LINGO2: variants seen among roughly 807,000 people sequenced by gnomAD.
LINGO2 encodes the protein leucine rich repeat and Ig domain containing 2, also known as leucine-rich repeat and immunoglobulin-like domain-containing nogo receptor-interacting protein 2.
A neutral mutation model predicts 30.6 loss-of-function variants in LINGO2; 14 were observed. That is an observed-to-expected ratio of 0.46 (90% confidence interval 0.30 to 0.72). The LOEUF is 0.72. LINGO2 is among the 30% of genes least tolerant of loss of function. The pLI is 0.07. For synonymous variants in LINGO2, 317 were observed against 288.5 expected (o/e 1.10, Z -1.00); for missense variants, 729 against 751.7 (o/e 0.97, Z 0.35).
chr9:28,043,641 C>A (rs1291683339), intron 4 of LINGO2, among the ~76,000 whole-genome samples: 1 of 152,076 alleles, frequency 6.6e-6, no homozygotes, highest in African/African-American at 2.4e-5. Context: ...AAGAATTAAC[C>A]CTCATGTACC....
chr9:28,315,066 T>TGCTTTA (rs1824789846), intron 3 of LINGO2, among the ~76,000 whole-genome samples: 1 of 148,930 alleles, frequency 6.7e-6, no homozygotes, highest in Non-Finnish European at 1.5e-5. Context: ...GAGTATAGAA[T>TGCTTTA]GCTTTATTGT....
intron 4 of LINGO2, among the ~76,000 whole-genome samples, chr9:28,230,101 A>G (rs921062472): frequency 1.3e-5 from 2 of 151,918 alleles, no homozygotes; most frequent in African/African-American, 4.8e-5. Context: ...TATCAACGTC[A>G]CATTTATTGT....
the LINGO2 span, among the ~76,000 whole-genome samples, chr9:29,096,635 CA>C: frequency 7.1e-6 from 1 of 140,234 alleles, no homozygotes; most frequent in South Asian, 2.2e-4. Context: ...TGTGAACCTT[CA>C]AAAGATTGTA....
At chr9:28,524,765 CAAAT>C (rs1351390251) in intron 1 of LINGO2, among the ~76,000 whole-genome samples, 2 of 152,002 alleles carry the variant, frequency 1.3e-5, no homozygotes, top group Non-Finnish European at 1.5e-5. Flanking sequence ...AATAAATAAA[CAAAT>C]AAATAAATCA....
At chr9:28,325,303 G>T (rs1825188770) in intron 3 of LINGO2, among the ~76,000 whole-genome samples, 2 of 152,056 alleles carry the variant, frequency 1.3e-5, no homozygotes, top group Non-Finnish European at 2.9e-5. Context: ...ACTTAGAAAA[G>T]TCTTTTTTAA....
At position 27,981,534 on chromosome 9, in the gene LINGO2, C is replaced by CAAA. The variant is rs763284293; in HGVS notation, c.-36+30818_-36+30820dup. Reference sequence around the variant, plus strand: ...ATGAAAGGATAAATGACGAGGATGGCAAAAAAAAAAAAAAAAGAAAAAAAA... The same window carrying CAAA: ...ATGAAAGGATAAATGACGAGGATGGCAAAAAAAAAAAAAAAAAAAGAAAAAAAA... On this transcript the variant is annotated intron_variant, in intron 5 of 5. Transcript: ENST00000379992. 5.2e-3 allele frequency among the ~76,000 whole-genome samples: 208 copies of CAAA among 39,806 alleles called. 7 individuals carry two copies. The highest frequency in any genetic ancestry group is 0.011 in the African/African-American group (132 of 11,814). 26.1% of individuals were successfully genotyped at this position (39,806 alleles called of 152,430 possible).
chr9:28,709,147 G>C, the LINGO2 span, among the ~76,000 whole-genome samples: 1 of 151,930 alleles, frequency 6.6e-6, no homozygotes, highest in African/African-American at 2.4e-5. Context: ...CCCTCCTTCA[G>C]GTAATAGTGA....
At chr9:28,353,029 G>A (rs1048631782) in intron 3 of LINGO2, among the ~76,000 whole-genome samples, 20 of 150,822 alleles carry the variant, frequency 1.3e-4, no homozygotes, top group African/African-American at 4.9e-4. Context: ...TTAAACGTTA[G>A]ACCTAAAACC....
At chr9:27,977,132 C>T (rs759095196) in intron 5 of LINGO2, among the ~76,000 whole-genome samples, 9 of 150,338 alleles carry the variant, frequency 6.0e-5, no homozygotes, top group Non-Finnish European at 1.3e-4. Flanking sequence ...AGACTCTAGG[C>T]AACATTCTAA....
At chr9:28,160,547 C>T (rs546059231) in intron 4 of LINGO2, among the ~76,000 whole-genome samples, 1 of 152,280 alleles carries the variant, frequency 6.6e-6, no homozygotes, top group Admixed American at 6.5e-5. Flanking sequence ...AATTCAGAAT[C>T]TCTGTCCTTT....
At chr9:28,987,870 G>C in the LINGO2 span, among the ~76,000 whole-genome samples, 9 of 152,092 alleles carry the variant, frequency 5.9e-5, no homozygotes, top group East Asian at 1.7e-3. Context: ...TTGATTTCTA[G>C]TTTCATGGCA....
rs946388643 is a variant in LINGO2 at position 27,971,716 on chromosome 9, G to A, written c.-35-21010C>T. On this transcript the variant is annotated intron_variant, in intron 5 of 5. Coordinates refer to ENST00000379992, the Ensembl canonical transcript of LINGO2. ...AAATTTAGTCTTTTTAGAAGTGATC[G>A]TTATTATCAAAATCATTAGCCCTTT... Among the ~76,000 whole-genome samples the A allele has an allele frequency of 3.9e-5, 6 of 152,032 alleles. No homozygotes were observed. In the South Asian group the frequency reaches 1.0e-3, roughly 26 times the overall value.
chr9:28,733,415 C>A, the LINGO2 span, among the ~76,000 whole-genome samples: 4 of 152,044 alleles, frequency 2.6e-5, no homozygotes. Flanking sequence ...AATCCTACAT[C>A]AAAAAATATT....
At chr9:28,603,003 C>G (rs576623384) in intron 1 of LINGO2, among the ~76,000 whole-genome samples, 2 of 152,170 alleles carry the variant, frequency 1.3e-5, no homozygotes, top group African/African-American at 4.8e-5. Flanking sequence ...GTCCAGCACA[C>G]TTTTGGATAA....
At chr9:28,188,833 A>G (rs1476542229) in intron 4 of LINGO2, among the ~76,000 whole-genome samples, 2 of 152,196 alleles carry the variant, frequency 1.3e-5, no homozygotes, top group Non-Finnish European at 2.9e-5. Flanking sequence ...ATCATCATTT[A>G]CGTGTAATTA....
chr9:28,282,944 A>C (rs1823380354), intron 4 of LINGO2, among the ~76,000 whole-genome samples: 1 of 152,208 alleles, frequency 6.6e-6, no homozygotes, highest in Non-Finnish European at 1.5e-5. Context: ...GAAAGGAGTA[A>C]GCCCCTGTGG....
chr9:27,984,741 G>A (rs1821043593), intron 5 of LINGO2, among the ~76,000 whole-genome samples: 1 of 151,716 alleles, frequency 6.6e-6, no homozygotes, highest in Non-Finnish European at 1.5e-5. Flanking sequence ...AAGGAGATTG[G>A]CTTTTACTGA....
intron 1 of LINGO2, among the ~76,000 whole-genome samples, chr9:28,536,458 AT>A (rs979493260): frequency 1.3e-5 from 2 of 152,100 alleles, no homozygotes; most frequent in African/African-American, 4.8e-5. Context: ...GCCATTGTAC[AT>A]CTACTACTGC....
chr9:28,094,787 C>CT (rs34338802), intron 4 of LINGO2, among the ~76,000 whole-genome samples: 8,289 of 152,042 alleles, frequency 0.055, 275 homozygotes, highest in Non-Finnish European at 0.081. Flanking sequence ...CTGTACCATA[C>CT]TTTTTTTCCC....
Sources: allele counts gnomAD v4.1 joint callset (sites outside exome capture counted in the v4.1 genomes callset), GRCh38; gene constraint gnomAD v4.1.1; transcripts MANE v1.5; gene names NCBI Gene and HGNC (gene_info 2026-07-23, HGNC 2026-07-21).